The following PHKB variants were observed in gnomAD, a reference collection of about 807,000 sequenced individuals.
PHKB encodes the protein phosphorylase b kinase regulatory subunit beta.
PHKB carries 122 observed loss-of-function variants against 152.1 expected under a neutral mutation model. That is an observed-to-expected ratio of 0.80 (90% CI 0.69 to 0.93). PHKB has a LOEUF of 0.93. Ranked by LOEUF, PHKB falls within the 40% of genes least tolerant of loss-of-function variation. PHKB has a pLI of 0.00. For synonymous variants in PHKB, 436 were observed against 464.9 expected (o/e 0.94, Z 0.80); for missense variants, 1,304 against 1,328.4 (o/e 0.98, Z 0.29).
chr16:47,696,399 A>G lies in PHKB; in HGVS notation c.2914A>G (p.Met972Val), dbSNP rs1974147027. The change falls in exon 29 of 31, where the codon ATG (methionine) becomes GTG (valine). Residue 972 changes from methionine to valine, a missense_variant. Coordinates refer to ENST00000323584, the MANE Select transcript of PHKB (RefSeq NM_000293.3). The part of the protein sequence containing the change: ...HLPQQPTLSD[M>V]TMYEMNFSLL... ...TTTTCAGCAACCAACCCTGTCAGAT[A>G]TGACCATGTATGAGATGAATTTCTC... The G allele has an allele frequency of 1.2e-6, 2 of 1,603,524 alleles. No individual in the cohort carries two copies. The highest frequency in any genetic ancestry group is 1.1e-5 in the South Asian group (1 of 90,888).
At chr16:47,570,674 A>G (rs1971642875) in intron 7 of PHKB, among the ~76,000 whole-genome samples, 1 of 150,702 alleles carries the variant, frequency 6.6e-6, no homozygotes, top group South Asian at 2.1e-4. Flanking sequence ...AATTTCATTC[A>G]TATCCTGTAT....
At chr16:47,655,279 G>C (rs374709780) in intron 20 of PHKB, among the ~76,000 whole-genome samples, 1 of 152,028 alleles carries the variant, frequency 6.6e-6, no homozygotes, top group African/African-American at 2.4e-5. Flanking sequence ...ACCTCACATC[G>C]TACACCAAAA....
intron 28 of PHKB, among the ~76,000 whole-genome samples, chr16:47,694,961 T>A (rs1344684000): frequency 6.6e-6 from 1 of 152,238 alleles, no homozygotes; most frequent in African/African-American, 2.4e-5. Flanking sequence ...TGTTAAGTAT[T>A]TTTATGCACC....
At chr16:47,640,216 C>G (rs1305978963) in intron 14 of PHKB, among the ~76,000 whole-genome samples, 2 of 152,082 alleles carry the variant, frequency 1.3e-5, no homozygotes, top group African/African-American at 4.8e-5. Context: ...GATGATAAAT[C>G]AAATATTTTA....
At chr16:47,689,751 A>G (rs1251664371) in intron 27 of PHKB, among the ~76,000 whole-genome samples, 1 of 152,234 alleles carries the variant, frequency 6.6e-6, no homozygotes, top group Non-Finnish European at 1.5e-5. Flanking sequence ...CCTGGCATTT[A>G]CCAAAGTGGT....
intron 26 of PHKB, among the ~76,000 whole-genome samples, chr16:47,671,970 T>C (rs1209181222): frequency 6.6e-6 from 1 of 152,148 alleles, no homozygotes; most frequent in Non-Finnish European, 1.5e-5. Flanking sequence ...AATAATACCA[T>C]ACATATATCT....
chr16:47,679,672 A>G (rs973066828), intron 26 of PHKB, among the ~76,000 whole-genome samples: 4 of 152,122 alleles, frequency 2.6e-5, no homozygotes, highest in African/African-American at 7.2e-5. Context: ...ATTTTGGGCT[A>G]AGACAATGGG....
At chr16:47,611,571 A>G (rs915288150) in intron 14 of PHKB, among the ~76,000 whole-genome samples, 3 of 152,182 alleles carry the variant, frequency 2.0e-5, no homozygotes, top group African/African-American at 7.2e-5. Context: ...TAAGCAGTTA[A>G]CATGCATTTA....
At chr16:47,633,521 C>T (rs569302821) in intron 14 of PHKB, among the ~76,000 whole-genome samples, 2 of 152,266 alleles carry the variant, frequency 1.3e-5, no homozygotes, top group South Asian at 4.1e-4. Context: ...GTGTCTCATA[C>T]AGGCAGTGCC....
At chr16:47,693,341 T>C in intron 27 of PHKB, 37 bp from the exon 28 acceptor site, 1 of 1,612,716 alleles carries the variant, frequency 6.2e-7, no homozygotes, top group Non-Finnish European at 8.5e-7. Flanking sequence ...AGAACAAGCT[T>C]GTTCTTCAAC....
intron 25 of PHKB, chr16:47,665,621 C>T (rs763523399): frequency 1.7e-4 from 69 of 399,060 alleles, no homozygotes; most frequent in Non-Finnish European, 3.0e-4. Flanking sequence ...CCCTCTTAAT[C>T]CCTCCTATAC....
rs532656364 is a variant in PHKB at position 47,620,829 on chromosome 16, G to T, written c.1458+9909G>T. ...GCAGAGGTTGCAGTGAGCCAAGATTGTGCCACTGCAGTTCAGCCTGGGCAA... is the reference window on the plus strand; with the variant it reads ...GCAGAGGTTGCAGTGAGCCAAGATTTTGCCACTGCAGTTCAGCCTGGGCAA... On this transcript the variant is annotated intron_variant, in intron 14 of 30. Transcript: ENST00000323584. Among the ~76,000 whole-genome samples, 4 of 152,128 alleles carry T rather than the reference G, an allele frequency of 2.6e-5. No individual in the cohort carries two copies. The South Asian group carries it at 8.3e-4, about 32-fold the overall frequency.
rs1972958428 is a variant in PHKB, at chr16:47,638,342, G to A, written c.1459-2693G>A. ...GGGGAGCCGCTGTCCAAGGATTGGT[G>A]TGAAGATAGCAATAAGCAAATGTGC... On this transcript the variant is annotated intron_variant, in intron 14 of 30. Transcript: ENST00000323584. Among the ~76,000 whole-genome samples, 3 of 152,202 alleles carry A rather than the reference G, an allele frequency of 2.0e-5. No individual in the cohort carries two copies. The South Asian group carries it at 6.2e-4, about 31-fold the overall frequency.
intron 5 of PHKB, among the ~76,000 whole-genome samples, chr16:47,512,053 T>C (rs1970519547): frequency 6.6e-6 from 1 of 152,156 alleles, no homozygotes; most frequent in Admixed American, 6.5e-5. Context: ...GAGGCAGAGC[T>C]CAGGCGGTAA....
intron 26 of PHKB, among the ~76,000 whole-genome samples, chr16:47,670,487 G>A (rs1973618986): frequency 6.6e-6 from 1 of 151,978 alleles, no homozygotes; most frequent in Non-Finnish European, 1.5e-5. Context: ...TTTGCTTTAT[G>A]TAGTTGTTTT....
intron 13 of PHKB, among the ~76,000 whole-genome samples, chr16:47,604,886 A>C (rs1315588217): frequency 6.6e-6 from 1 of 152,164 alleles, no homozygotes; most frequent in Non-Finnish European, 1.5e-5. Context: ...TGTACTGTAA[A>C]TGTAGAAAGC....
At chr16:47,636,176 C>G (rs1410758169) in intron 14 of PHKB, among the ~76,000 whole-genome samples, 2 of 152,140 alleles carry the variant, frequency 1.3e-5, no homozygotes, top group Non-Finnish European at 2.9e-5. Flanking sequence ...TTGGAAATAG[C>G]CAAGAGAAAA....
At chr16:47,607,497 A>G (rs1424488324) in intron 13 of PHKB, among the ~76,000 whole-genome samples, 1 of 152,224 alleles carries the variant, frequency 6.6e-6, no homozygotes, top group Non-Finnish European at 1.5e-5. Flanking sequence ...TCCATGTTGT[A>G]GCATGTTTCA....
chr16:47,544,301 T>C (rs1315990610), intron 6 of PHKB, among the ~76,000 whole-genome samples: 1 of 152,228 alleles, frequency 6.6e-6, no homozygotes, highest in Non-Finnish European at 1.5e-5. Flanking sequence ...TTGTTTTCGT[T>C]GGTTTCAAAG....
Sources: allele counts gnomAD v4.1 joint callset (sites outside exome capture counted in the v4.1 genomes callset), GRCh38; gene constraint gnomAD v4.1.1; transcripts MANE v1.5; gene names NCBI Gene and HGNC (gene_info 2026-07-23, HGNC 2026-07-21).